The following SPG7 variants were observed in gnomAD, a reference collection of about 807,000 sequenced individuals.
SPG7 encodes SPG7 matrix AAA peptidase subunit, paraplegin.
A neutral mutation model predicts 81.9 loss-of-function variants in SPG7; 103 were observed. The ratio of observed to expected loss-of-function variants is 1.26; its 90% CI spans 1.07 to 1.48. SPG7 has a LOEUF of 1.48. Ranked by LOEUF, SPG7 falls within the 40% of genes most tolerant of loss-of-function variation. The probability of loss-of-function intolerance (pLI) is 0.00; values close to 1 mark genes in which losing one functional copy is unlikely to be tolerated. For missense variants in SPG7, 1,241 were observed against 1,087.3 expected (o/e 1.14, Z -1.99); for synonymous variants, 534 against 444.2 (o/e 1.20, Z -2.54).
intron 3 of SPG7, chr16:89,523,432 G>A (rs2058216993): frequency 3.0e-6 from 1 of 337,346 alleles, no homozygotes. Context: ...GTGGTAAAAG[G>A]TATTTGTTTT....
rs148270097 is a variant in SPG7 at position 89,514,308 on chromosome 16, C to CTT, written c.376+1302_376+1303dup. On this transcript the variant is annotated intron_variant, in intron 3 of 16. Transcript: ENST00000645818. ...CATTTCAATAAAGTGTGTCCTTTGA[C>CTT]TTTTTTTTTTTTTTTTTTTTTTTTT... The CTT allele has an allele frequency of 5.8e-4, 28 of 48,444 alleles. 6 individuals carry two copies. Among genetic ancestry groups the CTT allele is most frequent in the African/African-American group, 1.1e-3 (12 of 10,914 alleles). 3.0% of individuals were successfully genotyped at this position (48,444 alleles called of 1,614,324 possible). A position where few individuals can be genotyped will look rare whatever the true frequency, so the allele number is the denominator to read the frequency against.
At chr16:89,525,720 G>A (rs2058251223) in intron 4 of SPG7, among the ~76,000 whole-genome samples, 1 of 152,176 alleles carries the variant, frequency 6.6e-6, no homozygotes, top group Non-Finnish European at 1.5e-5. Context: ...CCTGGTGTGA[G>A]GGATGAACAG....
At chr16:89,509,120 C>A in intron 1 of SPG7, 1 of 374,996 alleles carries the variant, frequency 2.7e-6, no homozygotes, top group South Asian at 1.9e-5. Context: ...TGTAGTGCGG[C>A]CTTGTTTCAG....
At position 89,556,836 on chromosome 16, in the gene SPG7, ATGCTCTGTCTGCCCTGGGGACTCACACAC is replaced by A. The variant is rs773480590; in HGVS notation, c.2182-46_2182-18del. On this transcript the variant is annotated intron_variant, in intron 16 of 16. Transcript: ENST00000645818. ...CTTGCCACCTCCCCAGGACATAGAG[ATGCTCTGTCTGCCCTGGGGACTCACACAC>A]TGCTATGCCTGTTCTTTCTAGCTGG... is the stretch of plus-strand genomic sequence containing the variant. 2.1e-6 allele frequency: 3 copies of A among 1,417,430 alleles called. No individual in the cohort carries two copies. The East Asian group carries it at 6.8e-5, about 32-fold the overall frequency. The allele number at this position is 1,417,430 out of a possible 1,614,324, so 87.8% of individuals were successfully genotyped here. A position where few individuals can be genotyped will look rare whatever the true frequency, so the allele number is the denominator to read the frequency against.
intron 3 of SPG7, chr16:89,522,542 C>G (rs1465324471): frequency 6.6e-6 from 1 of 152,010 alleles, no homozygotes; most frequent in African/African-American, 2.4e-5. Context: ...GAAATGACGT[C>G]GTTCCCGCCG....
chr16:89,552,785 C>T (rs942902528), intron 13 of SPG7, 194 bp from the exon 14 acceptor site: 1 of 633,290 alleles, frequency 1.6e-6, no homozygotes, highest in South Asian at 1.7e-5. Flanking sequence ...TGAACAGGCA[C>T]CTGTGGTGGG....
At chr16:89,526,536 T>C in intron 5 of SPG7, 68 bp downstream of exon 5, 1 of 1,587,382 alleles carries the variant, frequency 6.3e-7, no homozygotes, top group Non-Finnish European at 8.6e-7. Context: ...AGAAACAGAT[T>C]GCAATCAAAA....
intron 3 of SPG7, among the ~76,000 whole-genome samples, chr16:89,514,808 A>G (rs8046182): frequency 0.44 from 65,847 of 151,040 alleles, 14,793 homozygotes; most frequent in East Asian, 0.68. Flanking sequence ...CTCTTTTTGT[A>G]TAGTAGAGAT....
Position 89,554,556 on chromosome 16 carries a change from T to A in SPG7, c.2174T>A (p.Leu725Ter), listed in dbSNP as rs2058668145. ...EKVLQDNLDK[L>*]QALANALLEK... Reference sequence around the variant, plus strand: ...GTGCTGCAGGACAACCTGGACAAGTTGCAGGCGGTGAGGCCCTGGCCAGGC... The same window carrying A: ...GTGCTGCAGGACAACCTGGACAAGTAGCAGGCGGTGAGGCCCTGGCCAGGC... Residue 725 changes from leucine to a stop codon, truncating the protein, a stop_gained, in exon 16 of 17, where the codon TTG becomes TAG. Coordinates refer to ENST00000645818, the MANE Select transcript of SPG7 (RefSeq NM_003119.4). LOFTEE classifies it low-confidence loss of function (END_TRUNC). 1.9e-6 allele frequency: 3 copies of A among 1,607,788 alleles called. No homozygotes were observed. The African/African-American group carries it at 4.0e-5, about 22-fold the overall frequency.
intron 3 of SPG7, among the ~76,000 whole-genome samples, chr16:89,516,418 G>A (rs1339509787): frequency 6.6e-6 from 1 of 152,004 alleles, no homozygotes; most frequent in Non-Finnish European, 1.5e-5. Flanking sequence ...CAGGTGTGGT[G>A]TACGTGCTTG....
chr16:89,550,161 C>T (rs74251521), intron 12 of SPG7: 1 of 358,480 alleles, frequency 2.8e-6, no homozygotes, highest in East Asian at 7.2e-5. Flanking sequence ...CTCAGCTCAC[C>T]CCCCCGTCAT....
intron 9 of SPG7, chr16:89,541,873 C>T (rs1272908879): frequency 1.3e-5 from 2 of 152,022 alleles, no homozygotes; most frequent in African/African-American, 4.8e-5. Flanking sequence ...CCTGAAACCA[C>T]ATGTCCCTGA....
At chr16:89,525,826 C>T (rs551130798) in intron 4 of SPG7, among the ~76,000 whole-genome samples, 4 of 152,240 alleles carry the variant, frequency 2.6e-5, no homozygotes, top group African/African-American at 4.8e-5. Flanking sequence ...TCCTCAGTCC[C>T]GTGCTGCAGC....
At position 89,513,018 on chromosome 16, in the gene SPG7, G is replaced by A. The variant is rs1209945253; in HGVS notation, c.357G>A (p.Lys119=). Residue 119 remains lysine, a synonymous_variant, in exon 3 of 17, where the codon AAG becomes AAA. Coordinates refer to ENST00000645818, the MANE Select transcript of SPG7 (RefSeq NM_003119.4). The part of the protein sequence containing the change: ...KNKEKDKSKG[K]APEEDEEERR... ...AGGAGAAGGATAAGTCGAAGGGGAA[G>A]GCGCCTGAAGAGGACGAAGGTATAT... 6.2e-7 allele frequency: 1 copy of A among 1,612,412 alleles called. No individual in the cohort carries two copies.
Position 89,536,722 on chromosome 16 carries a change from A to G in SPG7, c.1324+4086A>G, listed in dbSNP as rs115070727. The stretch of plus-strand genomic sequence containing the variant: ...GCTCTGGCTGTGTGGCGTGGACACC[A>G]AGGTCTTCGTCCTGTGAGTCTGCGG... On this transcript the variant is annotated intron_variant, in intron 9 of 16. Coordinates refer to ENST00000645818, the MANE Select transcript of SPG7 (RefSeq NM_003119.4). The G allele has an allele frequency of 2.5e-3, 3,997 of 1,611,518 alleles. 58 individuals carry two copies. In the African/African-American group the frequency reaches 0.035, roughly 14 times the overall value.
intron 9 of SPG7, chr16:89,542,882 G>C (rs1597651081): frequency 2.0e-5 from 3 of 151,784 alleles, no homozygotes; most frequent in Admixed American, 6.6e-5. Context: ...GATTATTAAG[G>C]GTTTCTTACA....
rs1327843232 is a variant in SPG7, at chr16:89,524,218, C to T, written c.589C>T (p.His197Tyr). 1 of 1,612,472 alleles carries T rather than the reference C, an allele frequency of 6.2e-7. No individual in the cohort carries two copies. Among genetic ancestry groups the T allele is most frequent in the African/African-American group, 1.3e-5 (1 of 74,658 alleles). ...GAGCGACGTGGTGGAAGTCTACCTGCACCCTGGAGCCGTGGTGTTTGGGCG... is the reference window on the plus strand; with the variant it reads ...GAGCGACGTGGTGGAAGTCTACCTGTACCCTGGAGCCGTGGTGTTTGGGCG... Reference protein sequence around the residue: ...PESDVVEVYLHPGAVVFGRPR... With the variant: ...PESDVVEVYLYPGAVVFGRPR... The change falls in exon 4 of 17, where the codon CAC becomes TAC. Residue 197 changes from histidine (H) to tyrosine (Y), a missense_variant. Coordinates refer to ENST00000645818, the MANE Select transcript of SPG7 (RefSeq NM_003119.4).
chr16:89,510,390 A>G lies in SPG7; in HGVS notation c.184-100A>G, dbSNP rs78774731. On this transcript the variant is annotated intron_variant, in intron 1 of 16. Coordinates refer to ENST00000645818, the MANE Select transcript of SPG7 (RefSeq NM_003119.4). ...CAGGGCAATGTAGATATTACAAATA[A>G]TTATATATTTGAACTTTTAAAAACG... 4.5e-5 allele frequency: 32 copies of G among 709,174 alleles called. No individual in the cohort carries two copies. In the African/African-American group the frequency reaches 5.0e-4, roughly 11 times the overall value. The allele number at this position is 709,174 out of a possible 1,614,324, so 43.9% of individuals were successfully genotyped here.
At chr16:89,510,900 C>G (rs539687882) in intron 2 of SPG7, among the ~76,000 whole-genome samples, 2 of 152,302 alleles carry the variant, frequency 1.3e-5, no homozygotes, top group East Asian at 3.9e-4. Context: ...CTCCCTTATC[C>G]CCCAGTTGCA....
Sources: gnomAD v4.1 joint callset for allele counts (sites outside exome capture counted in the v4.1 genomes callset) on GRCh38, gnomAD v4.1.1 for gene constraint, MANE v1.5 for transcripts, NCBI Gene and HGNC (gene_info 2026-07-23, HGNC 2026-07-21) for gene names.